PARD3: variants seen among roughly 807,000 people sequenced by gnomAD.
PARD3 encodes par-3 family cell polarity regulator.
PARD3 carries 75 observed loss-of-function variants against 155.4 expected under a neutral mutation model. The ratio of observed to expected loss-of-function variants is 0.48; its 90% CI spans 0.40 to 0.58. The LOEUF (loss-of-function observed/expected upper bound fraction) is 0.58. Ranked by LOEUF, PARD3 falls within the 20% of genes least tolerant of loss-of-function variation. PARD3 has a pLI of 0.00. For synonymous variants in PARD3, 576 were observed against 610.5 expected (o/e 0.94, Z 0.83); for missense variants, 1,642 against 1,721.7 (o/e 0.95, Z 0.82).
chr10:34,440,033 C>CG (rs745481406), intron 5 of PARD3, among the ~76,000 whole-genome samples: 1 of 152,166 alleles, frequency 6.6e-6, no homozygotes, highest in Non-Finnish European at 1.5e-5. Context: ...ATACAACCAC[C>CG]GGGCAAAATG....
intron 1 of PARD3, among the ~76,000 whole-genome samples, chr10:34,719,778 G>T (rs766079860): frequency 6.6e-6 from 1 of 152,176 alleles, no homozygotes; most frequent in Non-Finnish European, 1.5e-5. Context: ...ATATTACAAT[G>T]TAGTGATGAA....
At chr10:34,114,186 C>G (rs568081100) in intron 24 of PARD3, among the ~76,000 whole-genome samples, 1 of 152,030 alleles carries the variant, frequency 6.6e-6, no homozygotes, top group African/African-American at 2.4e-5. Flanking sequence ...TGCTTGAGCC[C>G]AGGAGGTCGA....
rs140047282 is a variant in PARD3 at position 34,212,359 on chromosome 10, G to A, written c.3419+57298C>T. ...GTGGTTGTCAACACCTCTCTAAGCA[G>A]GCTTCAGTTTTTCTCATCTTTCTAG... is the stretch of plus-strand genomic sequence containing the variant. On this transcript the variant is annotated intron_variant, in intron 22 of 24. Coordinates refer to ENST00000374788, the MANE Select transcript of PARD3 (RefSeq NM_001184785.2). Among the ~76,000 whole-genome samples the A allele has an allele frequency of 5.1e-4, 78 of 152,184 alleles. No homozygotes were observed. In the East Asian group the frequency reaches 0.011, roughly 21 times the overall value.
intron 22 of PARD3, among the ~76,000 whole-genome samples, chr10:34,232,003 G>A (rs1952959253): frequency 6.6e-6 from 1 of 152,018 alleles, no homozygotes; most frequent in African/African-American, 2.4e-5. Context: ...AGAGATAATA[G>A]GCCGAAACAC....
chr10:34,362,046 C>T (rs184816259), intron 12 of PARD3, among the ~76,000 whole-genome samples: 4 of 152,170 alleles, frequency 2.6e-5, no homozygotes, highest in Non-Finnish European at 4.4e-5. Flanking sequence ...GGGAGGCCGA[C>T]GCAGGTGGAT....
chr10:34,501,962 C>G (rs184154050), intron 3 of PARD3, among the ~76,000 whole-genome samples: 1 of 152,196 alleles, frequency 6.6e-6, no homozygotes, highest in African/African-American at 2.4e-5. Flanking sequence ...GATTAGTGCC[C>G]TTATTAAAAT....
chr10:34,355,958 C>CAAAAAAAAAAAAAAAAA lies in PARD3; in HGVS notation c.2067+3188_2067+3189insTTTTTTTTTTTTTTTTT, dbSNP rs1491326864. ...AAAAAAAAAAAAAACAAAACAAAACCAAACAAAAAAACAGACAACAGACCC... is the reference window on the plus strand; with the variant it reads ...AAAAAAAAAAAAAACAAAACAAAACCAAAAAAAAAAAAAAAAAAAACAAAAAAACAGACAACAGACCC... On this transcript the variant is annotated intron_variant, in intron 14 of 24. Transcript: ENST00000374788. 8.6e-5 allele frequency among the ~76,000 whole-genome samples: 10 copies of CAAAAAAAAAAAAAAAAA among 116,212 alleles called. 1 individual carries two copies. Among genetic ancestry groups the CAAAAAAAAAAAAAAAAA allele is most frequent in the African/African-American group, 4.2e-4 (9 of 21,676 alleles). The allele number at this position is 116,212 out of a possible 152,430, so 76.2% of individuals were successfully genotyped here.
intron 20 of PARD3, among the ~76,000 whole-genome samples, chr10:34,303,620 A>AT (rs1957262557): frequency 1.4e-5 from 2 of 148,126 alleles, no homozygotes; most frequent in Admixed American, 1.3e-4. Context: ...ATTCGATAAG[A>AT]TGTTTTTTTT....
intron 20 of PARD3, among the ~76,000 whole-genome samples, chr10:34,307,213 C>T (rs913514500): frequency 2.0e-5 from 3 of 152,098 alleles, no homozygotes; most frequent in Non-Finnish European, 4.4e-5. Context: ...TATTCATTCA[C>T]TCAACACTGT....
chr10:34,270,165 G>A (rs1010658519), intron 21 of PARD3, among the ~76,000 whole-genome samples: 4 of 140,462 alleles, frequency 2.8e-5, no homozygotes, highest in African/African-American at 1.1e-4. Flanking sequence ...TTTTGAGACA[G>A]AGTCTCACTC....
intron 22 of PARD3, among the ~76,000 whole-genome samples, chr10:34,255,065 T>C (rs1359757590): frequency 1.3e-5 from 2 of 152,288 alleles, no homozygotes; most frequent in South Asian, 4.1e-4. Flanking sequence ...TGCTAATAGC[T>C]TGCAAAACCC....
At chr10:34,428,178 T>A (rs2075722224) in intron 5 of PARD3, among the ~76,000 whole-genome samples, 1 of 152,142 alleles carries the variant, frequency 6.6e-6, no homozygotes, top group Non-Finnish European at 1.5e-5. Context: ...ATAGAACAAC[T>A]AACTGAGGAA....
Position 34,428,857 on chromosome 10 carries a change from C to G in PARD3, c.714+21460G>C, listed in dbSNP as rs564106215. Among the ~76,000 whole-genome samples, 5 of 152,264 alleles carry G rather than the reference C, an allele frequency of 3.3e-5. No homozygotes were observed. In the East Asian group the frequency reaches 9.6e-4, roughly 29 times the overall value. ...GCACAAACACACAAATATATACACACATCCAAAATAGAAGTACGAATCAGT... is the reference window on the plus strand; with the variant it reads ...GCACAAACACACAAATATATACACAGATCCAAAATAGAAGTACGAATCAGT... On this transcript the variant is annotated intron_variant, in intron 5 of 24. Coordinates refer to ENST00000374788, the MANE Select transcript of PARD3 (RefSeq NM_001184785.2).
intron 2 of PARD3, among the ~76,000 whole-genome samples, chr10:34,658,141 G>A (rs1377640807): frequency 6.0e-4 from 87 of 144,758 alleles, no homozygotes; most frequent in Non-Finnish European, 1.0e-3. Flanking sequence ...TCAAGACTCC[G>A]TCTCAAAAAA....
intron 2 of PARD3, among the ~76,000 whole-genome samples, chr10:34,610,389 T>C (rs934169426): frequency 6.6e-6 from 1 of 152,030 alleles, no homozygotes; most frequent in Non-Finnish European, 1.5e-5. Flanking sequence ...GTTTAAAAAA[T>C]TTAAAAATGC....
intron 5 of PARD3, among the ~76,000 whole-genome samples, chr10:34,408,243 A>G (rs1007079575): frequency 6.6e-6 from 1 of 152,086 alleles, no homozygotes; most frequent in African/African-American, 2.4e-5. Flanking sequence ...TTCTCATGGT[A>G]CAATTTACAA....
At chr10:34,575,915 A>G (rs1421849792) in intron 2 of PARD3, among the ~76,000 whole-genome samples, 1 of 152,018 alleles carries the variant, frequency 6.6e-6, no homozygotes, top group Non-Finnish European at 1.5e-5. Flanking sequence ...AGAAAAAGAA[A>G]GAAAGAAAAT....
intron 3 of PARD3, among the ~76,000 whole-genome samples, chr10:34,515,408 A>C (rs2081656579): frequency 6.6e-6 from 1 of 152,252 alleles, no homozygotes; most frequent in Admixed American, 6.5e-5. Flanking sequence ...CACCCCAAGT[A>C]TCCTTGGAAA....
At chr10:34,700,666 T>A (rs1044967514) in intron 1 of PARD3, among the ~76,000 whole-genome samples, 1 of 152,130 alleles carries the variant, frequency 6.6e-6, no homozygotes, top group African/African-American at 2.4e-5. Flanking sequence ...TCACCCAACA[T>A]CAGAAATTAA....
Sources: gnomAD v4.1 joint callset for allele counts (sites outside exome capture counted in the v4.1 genomes callset) on GRCh38, gnomAD v4.1.1 for gene constraint, MANE v1.5 for transcripts, NCBI Gene and HGNC (gene_info 2026-07-23, HGNC 2026-07-21) for gene names.